DGCR8: variants seen among roughly 807,000 people sequenced by gnomAD.
DGCR8 encodes microprocessor complex subunit DGCR8.
DGCR8 carries 14 observed loss-of-function variants against 78.5 expected under a neutral mutation model. The ratio of observed to expected loss-of-function variants is 0.18; its 90% CI spans 0.12 to 0.28. The LOEUF (loss-of-function observed/expected upper bound fraction) is 0.28, where lower values mean the gene tolerates loss of function less well. Ranked by LOEUF, DGCR8 falls within the 10% of genes least tolerant of loss-of-function variation. The probability of loss-of-function intolerance (pLI) is 1.00; values close to 1 mark genes in which losing one functional copy is unlikely to be tolerated. For missense variants in DGCR8, 702 were observed against 1,022.5 expected, an observed-to-expected ratio of 0.69 and a Z score of 4.28; for synonymous variants, 399 against 402.4, an observed-to-expected ratio of 0.99 and a Z score of 0.10.
At chr22:20,101,928 G>A (rs919714510) in intron 9 of DGCR8, 5 of 985,250 alleles carry the variant, frequency 5.1e-6, no homozygotes, top group East Asian at 1.1e-4. Flanking sequence ...TGGTGGCCAC[G>A]CGTGTATGCT....
intron 1 of DGCR8, among the ~76,000 whole-genome samples, chr22:20,082,236 T>G (rs1312939972): frequency 6.6e-6 from 1 of 151,684 alleles, no homozygotes; most frequent in Non-Finnish European, 1.5e-5. Context: ...ATTTTTGTAT[T>G]TTTAGTAGAG....
In DGCR8 at chr22:20,087,791, C is replaced by T. The variant is rs773823199; in HGVS notation, c.880+470C>T. Among the ~76,000 whole-genome samples, 4 of 152,180 alleles carry T rather than the reference C, an allele frequency of 2.6e-5. No homozygotes were observed. In the East Asian group the frequency reaches 5.8e-4, roughly 22 times the overall value. On this transcript the variant is annotated intron_variant, in intron 3 of 13. Transcript: ENST00000351989. The surrounding 1 kb of genome is among the most constrained non-coding windows in gnomAD (Gnocchi z 4.1). ...GTTTAACAACATGGCTTCTGGGCCA[C>T]AGCATGGTGTGTGCACTTCAGCTGG...
intron 9 of DGCR8, among the ~76,000 whole-genome samples, chr22:20,105,511 A>G (rs1258937705): frequency 6.6e-6 from 1 of 152,220 alleles, no homozygotes; most frequent in Non-Finnish European, 1.5e-5. Flanking sequence ...CACAGTGGGC[A>G]ATGTCTCTGC....
At chr22:20,102,639 C>T (rs372140980) in intron 9 of DGCR8, among the ~76,000 whole-genome samples, 7 of 152,262 alleles carry the variant, frequency 4.6e-5, no homozygotes, top group Admixed American at 1.3e-4. Flanking sequence ...ACTAGGTGAC[C>T]GTGGAAGTGT....
At chr22:20,095,293 A>G (rs1421313326) in intron 9 of DGCR8, among the ~76,000 whole-genome samples, 1 of 152,086 alleles carries the variant, frequency 6.6e-6, no homozygotes, top group Non-Finnish European at 1.5e-5. Context: ...TTTAGTAGAG[A>G]TGGGGTTTCA....
chr22:20,095,059 T>C (rs1378877660), intron 9 of DGCR8, among the ~76,000 whole-genome samples: 3 of 151,614 alleles, frequency 2.0e-5, no homozygotes, highest in Non-Finnish European at 4.4e-5. Context: ...AAATGTCGGG[T>C]ACACATAGGT....
chr22:20,101,181 C>A (rs867472256), intron 9 of DGCR8: 2 of 984,288 alleles, frequency 2.0e-6, no homozygotes, highest in East Asian at 1.1e-4. Flanking sequence ...GTTCTGGGAA[C>A]CTGAGAGAAG....
intron 9 of DGCR8, among the ~76,000 whole-genome samples, chr22:20,103,661 C>G (rs957190603): frequency 2.0e-5 from 3 of 152,186 alleles, no homozygotes; most frequent in Non-Finnish European, 1.5e-5. Context: ...GTAGTGTCAT[C>G]AAGCGAAGTG....
chr22:20,104,184 GTC>G (rs1194799183), intron 9 of DGCR8, among the ~76,000 whole-genome samples: 1 of 148,642 alleles, frequency 6.7e-6, no homozygotes, highest in Non-Finnish European at 1.5e-5. Context: ...TTGAGACGGA[GTC>G]TCGCTCTGTC....
At chr22:20,082,423 G>T (rs1208997608) in intron 1 of DGCR8, among the ~76,000 whole-genome samples, 2 of 151,432 alleles carry the variant, frequency 1.3e-5, no homozygotes, top group Non-Finnish European at 2.9e-5. Flanking sequence ...CTGGAGTGCA[G>T]TGGTGCGATC....
In DGCR8 at chr22:20,087,479, G is replaced by A. The variant is rs1378011031; in HGVS notation, c.880+158G>A. Among the ~76,000 whole-genome samples the A allele has an allele frequency of 6.6e-6, 1 of 152,144 alleles. No individual in the cohort carries two copies. Among genetic ancestry groups the A allele is most frequent in the Admixed American group, 6.5e-5 (1 of 15,282 alleles). On this transcript the variant is annotated intron_variant, in intron 3 of 13. Transcript: ENST00000351989. The surrounding 1 kb of genome is among the most constrained non-coding windows in gnomAD (Gnocchi z 4.1). ...GAAATATCTGAGGAGGGAAACACAG[G>A]ATGGGAGGACGTCCTGATGCATGAC...
Position 20,089,383 on chromosome 22 carries a change from A to C in DGCR8, c.881-286A>C, listed in dbSNP as rs368550289. 1.3e-5 allele frequency among the ~76,000 whole-genome samples: 2 copies of C among 152,196 alleles called. No individual in the cohort carries two copies. Among genetic ancestry groups the C allele is most frequent in the African/African-American group, 4.8e-5 (2 of 41,446 alleles). ...GAGTCCAGTGTCCACAGTGCTTACCAGATGTGGAGGCAGGAGCTGAGGCTG... is the reference window on the plus strand; with the variant it reads ...GAGTCCAGTGTCCACAGTGCTTACCCGATGTGGAGGCAGGAGCTGAGGCTG... On this transcript the variant is annotated intron_variant, in intron 3 of 13. Transcript: ENST00000351989. The surrounding 1 kb of genome is among the most constrained non-coding windows in gnomAD (Gnocchi z 4.9).
In DGCR8 at chr22:20,095,020, C is replaced by A. The variant is rs557610589; in HGVS notation, c.1788+225C>A. On this transcript the variant is annotated intron_variant, in intron 9 of 13. Transcript: ENST00000351989. Reference sequence around the variant, plus strand: ...TGTCCTTTTTGTTAGAGATTTTTGTCCTCTTTTGCAGCATTGAGTGTGCAC... The same window carrying A: ...TGTCCTTTTTGTTAGAGATTTTTGTACTCTTTTGCAGCATTGAGTGTGCAC... Among the ~76,000 whole-genome samples the A allele has an allele frequency of 2.0e-5, 3 of 152,252 alleles. No homozygotes were observed. The East Asian group carries it at 5.8e-4, about 29-fold the overall frequency.
At chr22:20,107,815 C>CT in intron 12 of DGCR8, 1 of 231,094 alleles carries the variant, frequency 4.3e-6, no homozygotes, top group Non-Finnish European at 8.8e-6. Context: ...CGGTCCATCT[C>CT]TAACAGAAGA....
intron 9 of DGCR8, chr22:20,101,227 GGTGCCTTTTGTAT>G: frequency 3.0e-6 from 3 of 985,330 alleles, no homozygotes; most frequent in Non-Finnish European, 2.4e-6. Context: ...CTTGGTTTAG[GGTGCCTTTTGTAT>G]GTGCCCCTCC....
chr22:20,089,798 C>T lies in DGCR8; in HGVS notation c.1010C>T (p.Thr337Met). ...VTWSRPYFLGTGSIRKHDPPL... is the reference protein window; with the variant it reads ...VTWSRPYFLGMGSIRKHDPPL... ...TGGTCCAGGCCATACTTCTTGGGAA[C>T]GGGAAGCATACGGGTAGGGGAGGCA... is the stretch of plus-strand genomic sequence containing the variant. Residue 337 changes from threonine (T) to methionine (M), a missense_variant, in exon 4 of 14, where the codon ACG (threonine) becomes ATG (methionine). Physicochemically the swap from Thr to Met is moderately conservative, Grantham distance 81. Around this residue, in one of 4 missense-constraint regions of DGCR8, gnomAD observed 2 missense variants for 19.8 expected, o/e 0.10. Coordinates refer to ENST00000351989, the MANE Select transcript of DGCR8 (RefSeq NM_022720.7). This position sits in a 1 kb window ranked among gnomAD's most constrained non-coding sequence, Gnocchi z 4.9. 3 of 1,613,772 alleles carry T rather than the reference C, an allele frequency of 1.9e-6. No individual in the cohort carries two copies. The highest frequency in any genetic ancestry group is 1.1e-5 in the South Asian group (1 of 91,064).
intron 9 of DGCR8, among the ~76,000 whole-genome samples, chr22:20,095,272 A>G (rs2147927668): frequency 6.6e-6 from 1 of 152,084 alleles, no homozygotes; most frequent in East Asian, 1.9e-4. Context: ...TTTCTGGCTA[A>G]TTTTTGTATT....
chr22:20,085,852 A>G lies in DGCR8; in HGVS notation c.-112A>G. ...CAGCTTGACTAAGCCGCCAGCGCAC[A>G]GCGCGGCAGGACGCGCCCGGGTCTC... On this transcript the variant is annotated 5_prime_UTR_variant, in exon 2 of 14. Coordinates refer to ENST00000351989, the MANE Select transcript of DGCR8 (RefSeq NM_022720.7). This position sits in a 1 kb window ranked among gnomAD's most constrained non-coding sequence, Gnocchi z 6.2. The G allele has an allele frequency of 6.7e-7, 1 of 1,492,242 alleles. No homozygotes were observed. The highest frequency in any genetic ancestry group is 8.9e-7 in the Non-Finnish European group (1 of 1,128,384). 92.4% of individuals were successfully genotyped at this position (1,492,242 alleles called of 1,614,324 possible).
At chr22:20,084,727 A>C (rs574664579) in intron 1 of DGCR8, among the ~76,000 whole-genome samples, 1 of 152,152 alleles carries the variant, frequency 6.6e-6, no homozygotes, top group South Asian at 2.1e-4. Flanking sequence ...TTTCTCTGCT[A>C]TCCACCTCCG....
Sources: allele counts gnomAD v4.1 joint callset (sites outside exome capture counted in the v4.1 genomes callset), GRCh38; gene constraint gnomAD v4.1.1; regional missense constraint gnomAD v4.1.1; non-coding constraint Gnocchi (gnomAD v3.1); transcripts MANE v1.5; gene names NCBI Gene and HGNC (gene_info 2026-07-23, HGNC 2026-07-21).